RXFP1: variants seen among roughly 807,000 people sequenced by gnomAD.
The protein encoded by RXFP1 is relaxin receptor 1.
A neutral mutation model predicts 89.8 loss-of-function variants in RXFP1; 73 were observed. That is an observed-to-expected ratio of 0.81 (90% CI 0.67 to 0.99). The LOEUF (loss-of-function observed/expected upper bound fraction) is 0.99. Ranked by LOEUF, RXFP1 falls within the 50% of genes least tolerant of loss-of-function variation. The pLI, the probability that RXFP1 is intolerant of heterozygous loss-of-function variation, is 0.00. For missense variants in RXFP1, 793 were observed against 895.5 expected (o/e 0.89, Z 1.46); for synonymous variants, 277 against 305.5 (o/e 0.91, Z 0.97).
rs79021701 is a variant in RXFP1, at chr4:158,577,968, C to T, written c.187+5133C>T. On this transcript the variant is annotated intron_variant, in intron 2 of 17. Coordinates refer to ENST00000307765, the MANE Select transcript of RXFP1 (RefSeq NM_021634.4). Reference sequence around the variant, plus strand: ...AAATATTTCAGCACAAAGAGCATGACATTAACTCAGTGAAGATTTTTTGTG... The same window carrying T: ...AAATATTTCAGCACAAAGAGCATGATATTAACTCAGTGAAGATTTTTTGTG... Among the ~76,000 whole-genome samples, 14 of 152,230 alleles carry T rather than the reference C, an allele frequency of 9.2e-5. No individual in the cohort carries two copies. The East Asian group carries it at 1.3e-3, about 15-fold the overall frequency.
chr4:158,557,281 T>C (rs780342465), intron 1 of RXFP1, among the ~76,000 whole-genome samples: 23 of 152,220 alleles, frequency 1.5e-4, no homozygotes, highest in Admixed American at 3.9e-4. Flanking sequence ...TGTTTAAGCA[T>C]GTTTCCAAGT....
At chr4:158,647,319 A>G (rs1342842025) in intron 16 of RXFP1, 118 bp downstream of exon 16, 3 of 782,376 alleles carry the variant, frequency 3.8e-6, no homozygotes, top group East Asian at 2.7e-5. Context: ...TTCCTCCCCA[A>G]ATTATACTCT....
intron 13 of RXFP1, 110 bp downstream of exon 13, chr4:158,638,189 T>C: frequency 3.2e-6 from 2 of 631,040 alleles, no homozygotes; most frequent in East Asian, 3.0e-5. Flanking sequence ...TCCAAGACAT[T>C]AGTTTAGCTC....
At chr4:158,644,553 A>G (rs68114703) in intron 14 of RXFP1, among the ~76,000 whole-genome samples, 26,111 of 152,200 alleles carry the variant, frequency 0.17, 2,810 homozygotes, top group African/African-American at 0.28. Context: ...TTGCAGCACA[A>G]TAGGAGCTGT....
intron 8 of RXFP1, among the ~76,000 whole-genome samples, chr4:158,615,959 G>C (rs1247717895): frequency 3.9e-5 from 6 of 151,944 alleles, no homozygotes; most frequent in African/African-American, 1.4e-4. Flanking sequence ...CTCAAAAAAA[G>C]GAAAAAGTTT....
chr4:158,627,414 G>C (rs914692686), intron 10 of RXFP1, among the ~76,000 whole-genome samples: 2 of 151,776 alleles, frequency 1.3e-5, no homozygotes, highest in African/African-American at 4.8e-5. Context: ...TTATACCCTT[G>C]TCAGCATTTT....
At chr4:158,574,990 T>G (rs1221522615) in intron 2 of RXFP1, among the ~76,000 whole-genome samples, 1 of 152,218 alleles carries the variant, frequency 6.6e-6, no homozygotes, top group South Asian at 2.1e-4. Context: ...CCCGTCGACC[T>G]GCTGGCAGTT....
chr4:158,616,801 C>A (rs1013584973), intron 8 of RXFP1, among the ~76,000 whole-genome samples: 1 of 151,360 alleles, frequency 6.6e-6, no homozygotes, highest in Admixed American at 6.6e-5. Flanking sequence ...GAGTTTGAGA[C>A]CAGCCTGGCT....
At chr4:158,526,468 C>G (rs1048932578) in intron 1 of RXFP1, among the ~76,000 whole-genome samples, 1 of 152,192 alleles carries the variant, frequency 6.6e-6, no homozygotes, top group Admixed American at 6.5e-5. Context: ...GGACCCAACA[C>G]TAAACCAAAA....
Position 158,632,319 on chromosome 4 carries a change from C to A in RXFP1, c.900-1086C>A, listed in dbSNP as rs530839625. ...AAAACTCAGTCTAAAAATTGTCCTA[C>A]CCTTCGAGGTCAAAAAATCTAACGT... is the stretch of plus-strand genomic sequence containing the variant. On this transcript the variant is annotated intron_variant, in intron 11 of 17. Transcript: ENST00000307765. 3.3e-5 allele frequency among the ~76,000 whole-genome samples: 5 copies of A among 152,258 alleles called. No individual in the cohort carries two copies. The South Asian group carries it at 1.0e-3, about 32-fold the overall frequency.
At chr4:158,569,163 CAGTA>C (rs1262957567) in intron 1 of RXFP1, among the ~76,000 whole-genome samples, 1 of 152,188 alleles carries the variant, frequency 6.6e-6, no homozygotes, top group African/African-American at 2.4e-5. Flanking sequence ...AGATGTCTTT[CAGTA>C]AGTGAGTGGA....
At chr4:158,524,180 G>A (rs1741886325) in intron 1 of RXFP1, among the ~76,000 whole-genome samples, 1 of 152,130 alleles carries the variant, frequency 6.6e-6, no homozygotes, top group African/African-American at 2.4e-5. Flanking sequence ...CACGAGGTAG[G>A]ACATTCAGTG....
At chr4:158,601,717 C>G (rs903253338) in intron 4 of RXFP1, among the ~76,000 whole-genome samples, 7 of 152,120 alleles carry the variant, frequency 4.6e-5, no homozygotes, top group African/African-American at 9.7e-5. Flanking sequence ...GGAACTATTA[C>G]AGGGAAATGT....
chr4:158,607,074 G>A, intron 5 of RXFP1: 1 of 1,535,904 alleles, frequency 6.5e-7, no homozygotes, highest in Non-Finnish European at 8.7e-7. Context: ...ATGGTGACCT[G>A]CACTCAGAAC....
chr4:158,626,320 A>AT lies in RXFP1; in HGVS notation c.756-494dup, dbSNP rs570190150. The stretch of plus-strand genomic sequence containing the variant: ...TCCCAATAGTAAAAGATTATTGAGG[A>AT]TTTTTTCTGGGGAGTGATTAGGCTG... On this transcript the variant is annotated intron_variant, in intron 9 of 17. Transcript: ENST00000307765. 3.4e-3 allele frequency among the ~76,000 whole-genome samples: 513 copies of AT among 152,162 alleles called. 5 individuals are homozygous for AT. The highest frequency in any genetic ancestry group is 5.3e-3 in the Non-Finnish European group (358 of 67,936).
intron 9 of RXFP1, among the ~76,000 whole-genome samples, chr4:158,624,203 G>C (rs1356275894): frequency 1.3e-5 from 2 of 152,032 alleles, no homozygotes; most frequent in Non-Finnish European, 2.9e-5. Flanking sequence ...ACAGGAGAAG[G>C]GTCATCTCTT....
At chr4:158,623,522 A>AAAAAAAAAAAAAAAAAAAAAAAAT in intron 9 of RXFP1, among the ~76,000 whole-genome samples, 1 of 149,952 alleles carries the variant, frequency 6.7e-6, no homozygotes, top group Non-Finnish European at 1.5e-5. Flanking sequence ...AAAAAAAAAA[A>AAAAAAAAAAAAAAAAAAAAAAAAT]AAAAGATAAT....
chr4:158,531,879 T>G (rs1744123904), intron 1 of RXFP1, among the ~76,000 whole-genome samples: 1 of 152,056 alleles, frequency 6.6e-6, no homozygotes, highest in African/African-American at 2.4e-5. Flanking sequence ...GAGGCACTTT[T>G]TCTTTAAAAT....
chr4:158,621,804 A>G (rs1444716175), intron 9 of RXFP1, among the ~76,000 whole-genome samples: 1 of 152,262 alleles, frequency 6.6e-6, no homozygotes, highest in East Asian at 1.9e-4. Context: ...CAACAGGCAT[A>G]TGCAAAAATG....
Sources: gnomAD v4.1 joint callset for allele counts (sites outside exome capture counted in the v4.1 genomes callset) on GRCh38, gnomAD v4.1.1 for gene constraint, MANE v1.5 for transcripts, NCBI Gene and HGNC (gene_info 2026-07-23, HGNC 2026-07-21) for gene names.